OIT3: variants seen among roughly 807,000 people sequenced by gnomAD.
The protein encoded by OIT3 is oncoprotein induced transcript 3.
A neutral mutation model predicts 52.2 loss-of-function variants in OIT3; 41 were observed. The observed-to-expected ratio is 0.79, with a 90% CI of 0.61 to 1.02. The LOEUF is 1.02. Ranked by LOEUF, OIT3 falls within the 50% of genes least tolerant of loss-of-function variation. The pLI, the probability that OIT3 is intolerant of heterozygous loss-of-function variation, is 0.00. For missense variants in OIT3, 634 were observed against 715.5 expected (o/e 0.89, Z 1.30); for synonymous variants, 244 against 276.9 (o/e 0.88, Z 1.18).
intron 3 of OIT3, among the ~76,000 whole-genome samples, chr10:72,902,567 C>T (rs1312496111): frequency 6.6e-6 from 1 of 152,116 alleles, no homozygotes; most frequent in Non-Finnish European, 1.5e-5. Context: ...AAGGCATACC[C>T]AAGCCTGGAT....
intron 2 of OIT3, among the ~76,000 whole-genome samples, chr10:72,900,006 A>G (rs1845917746): frequency 1.3e-5 from 2 of 152,224 alleles, no homozygotes; most frequent in Non-Finnish European, 2.9e-5. Flanking sequence ...TGGCCACTCA[A>G]GGGCCTGTGG....
chr10:72,894,607 G>A (rs1412348267), intron 1 of OIT3, among the ~76,000 whole-genome samples: 1 of 152,098 alleles, frequency 6.6e-6, no homozygotes, highest in African/African-American at 2.4e-5. Flanking sequence ...GGCCAGGCAC[G>A]GTGGCTCACA....
intron 6 of OIT3, 86 bp from the exon 7 acceptor site, chr10:72,924,143 A>G: frequency 8.6e-7 from 1 of 1,166,368 alleles, no homozygotes; most frequent in Non-Finnish European, 1.2e-6. Flanking sequence ...TGAGGTAGAT[A>G]GAATGTTAAG....
rs1026932811 is a variant in OIT3, at chr10:72,911,959, C to T, written c.790+120C>T. Reference sequence around the variant, plus strand: ...CTCATCTTTTAGAACAATGGCTCTTCGAGCAGTGTGTATTGCTGAATCATC... The same window carrying T: ...CTCATCTTTTAGAACAATGGCTCTTTGAGCAGTGTGTATTGCTGAATCATC... On this transcript the variant is annotated intron_variant, in intron 5 of 8. Coordinates refer to ENST00000334011, the MANE Select transcript of OIT3 (RefSeq NM_152635.3). 3.8e-5 allele frequency: 31 copies of T among 808,044 alleles called. No individual in the cohort carries two copies. In the African/African-American group the frequency reaches 5.0e-4, roughly 13 times the overall value. 50.1% of individuals were successfully genotyped at this position (808,044 alleles called of 1,614,324 possible).
At chr10:72,903,650 A>C (rs1210717557) in intron 3 of OIT3, among the ~76,000 whole-genome samples, 1 of 152,174 alleles carries the variant, frequency 6.6e-6, no homozygotes, top group Non-Finnish European at 1.5e-5. Context: ...TGTTCTTCTC[A>C]TCCCATTTTA....
Position 72,898,947 on chromosome 10 carries a change from G to C in OIT3, c.345G>C (p.Trp115Cys). The change falls in exon 2 of 9, where the codon TGG becomes TGC. Residue 115 changes from tryptophan to cysteine, a missense_variant. Physicochemically the swap from Trp to Cys is radical, Grantham distance 215. Coordinates refer to ENST00000334011, the MANE Select transcript of OIT3 (RefSeq NM_152635.3). ...CASFNGNCCL[W>C]NTTVEVKACP... Reference sequence around the variant, plus strand: ...GCTTCAATGGGAACTGCTGTCTCTGGAACACCACGGTGGAAGTCAAGGCTT... The same window carrying C: ...GCTTCAATGGGAACTGCTGTCTCTGCAACACCACGGTGGAAGTCAAGGCTT... 1 of 1,614,172 alleles carries C rather than the reference G, an allele frequency of 6.2e-7. No homozygotes were observed. Among genetic ancestry groups the C allele is most frequent in the Non-Finnish European group, 8.5e-7 (1 of 1,180,034 alleles).
intron 6 of OIT3, chr10:72,918,527 T>C: frequency 1.4e-6 from 2 of 1,418,750 alleles, no homozygotes; most frequent in Non-Finnish European, 2.0e-6. Context: ...GTCCATCGAA[T>C]CTTCCATCGG....
chr10:72,900,230 G>C, intron 2 of OIT3, 147 bp from the exon 3 acceptor site: 1 of 593,160 alleles, frequency 1.7e-6, no homozygotes, highest in Non-Finnish European at 3.0e-6. Flanking sequence ...GCCAAGGTGA[G>C]AGGATTGCTT....
intron 7 of OIT3, 146 bp downstream of exon 7, chr10:72,924,790 TA>T: frequency 1.3e-6 from 1 of 754,128 alleles, no homozygotes; most frequent in Admixed American, 2.9e-5. Flanking sequence ...ATTTTGGAGG[TA>T]AAACTAGTGA....
chr10:72,928,262 C>T (rs73288649), intron 7 of OIT3, among the ~76,000 whole-genome samples: 6,001 of 152,184 alleles, frequency 0.039, 396 homozygotes, highest in African/African-American at 0.14. Flanking sequence ...GAAAAAGAAA[C>T]ATACTAAATT....
chr10:72,910,990 TTTTTCTCTGTTA>T lies in OIT3; in HGVS notation c.668-726_668-715del, dbSNP rs1297454963. On this transcript the variant is annotated intron_variant, in intron 4 of 8. Transcript: ENST00000334011. Reference sequence around the variant, plus strand: ...TCCAAGTCCCACAAAGGTCATTTTTTTTTTCTCTGTTAAATTTAAAATCACCTTGTAGATTCT... The same window carrying T: ...TCCAAGTCCCACAAAGGTCATTTTTTAATTTAAAATCACCTTGTAGATTCT... Among the ~76,000 whole-genome samples the T allele has an allele frequency of 3.3e-5, 5 of 152,372 alleles. No homozygotes were observed. In the South Asian group the frequency reaches 8.3e-4, roughly 25 times the overall value.
At chr10:72,918,172 C>A in intron 6 of OIT3, 1 of 1,219,146 alleles carries the variant, frequency 8.2e-7, no homozygotes, top group East Asian at 2.3e-5. Context: ...GACTCTGCAT[C>A]TTCCTCCACA....
intron 6 of OIT3, chr10:72,918,186 A>G (rs1427211385): frequency 2.8e-6 from 3 of 1,084,308 alleles, no homozygotes; most frequent in Non-Finnish European, 4.2e-6. Flanking sequence ...CTCCACAGCT[A>G]CTAAGTGCTG....
intron 5 of OIT3, among the ~76,000 whole-genome samples, chr10:72,912,592 C>T (rs1846039089): frequency 6.6e-6 from 1 of 151,962 alleles, no homozygotes; most frequent in Non-Finnish European, 1.5e-5. Context: ...TTCTTGATGT[C>T]CAGAATATTC....
intron 2 of OIT3, among the ~76,000 whole-genome samples, chr10:72,899,482 C>A (rs1342387395): frequency 2.6e-5 from 4 of 151,834 alleles, no homozygotes; most frequent in African/African-American, 9.7e-5. Flanking sequence ...GTAACCCCAG[C>A]TACCCGGGAG....
intron 6 of OIT3, chr10:72,917,945 C>A: frequency 1.1e-6 from 1 of 933,100 alleles, no homozygotes; most frequent in Non-Finnish European, 1.7e-6. Context: ...TAGATTTCTT[C>A]ACTGGTGCTT....
At chr10:72,912,361 C>T (rs1015983703) in intron 5 of OIT3, among the ~76,000 whole-genome samples, 1 of 149,790 alleles carries the variant, frequency 6.7e-6, no homozygotes, top group Non-Finnish European at 1.5e-5. Flanking sequence ...ACCTCCACCT[C>T]CTGGGTTCAA....
intron 2 of OIT3, 85 bp downstream of exon 2, chr10:72,899,123 C>T (rs1845904159): frequency 1.7e-6 from 2 of 1,201,364 alleles, no homozygotes; most frequent in African/African-American, 3.0e-5. Flanking sequence ...TATGCAGTTA[C>T]AGTGGCAACT....
intron 6 of OIT3, 145 bp from the exon 7 acceptor site, chr10:72,924,084 A>G (rs924249227): frequency 2.8e-6 from 2 of 719,474 alleles, no homozygotes; most frequent in East Asian, 2.7e-5. Flanking sequence ...GTGGGAAAAA[A>G]AAACAAAACA....
Sources: allele counts gnomAD v4.1 joint callset (sites outside exome capture counted in the v4.1 genomes callset), GRCh38; gene constraint gnomAD v4.1.1; transcripts MANE v1.5; gene names NCBI Gene and HGNC (gene_info 2026-07-23, HGNC 2026-07-21).